The following PPP3CA variants were observed in gnomAD, a reference collection of about 807,000 sequenced individuals.
PPP3CA encodes CAM-PRP catalytic subunit.
A neutral mutation model predicts 66.5 loss-of-function variants in PPP3CA; 14 were observed. The observed-to-expected ratio is 0.21, with a 90% CI of 0.14 to 0.33. The LOEUF is 0.33. Ranked by LOEUF, PPP3CA falls within the 10% of genes least tolerant of loss-of-function variation. The pLI is 1.00. For synonymous variants in PPP3CA, 232 were observed against 226.2 expected (o/e 1.03, Z -0.23); for missense variants, 317 against 639.5 (o/e 0.50, Z 5.44).
intron 1 of PPP3CA, among the ~76,000 whole-genome samples, chr4:101,237,047 T>C: frequency 6.7e-6 from 1 of 150,240 alleles, no homozygotes; most frequent in Non-Finnish European, 1.5e-5. Context: ...ATAATTCATA[T>C]AAAGCACTTG....
At chr4:101,199,507 G>T (rs567604573) in intron 1 of PPP3CA, among the ~76,000 whole-genome samples, 30 of 152,276 alleles carry the variant, frequency 2.0e-4, no homozygotes, top group African/African-American at 7.0e-4. Flanking sequence ...ATAGTGCTAA[G>T]ACTTCTTAGA....
At chr4:101,106,377 G>GAA in intron 3 of PPP3CA, among the ~76,000 whole-genome samples, 1 of 2,212 alleles carries the variant, frequency 4.5e-4, no homozygotes, top group South Asian at 0.019. Flanking sequence ...AGAGAGAAAA[G>GAA]AAAGAAAGAA....
intron 2 of PPP3CA, among the ~76,000 whole-genome samples, chr4:101,177,071 A>G (rs1398509632): frequency 6.6e-6 from 1 of 152,172 alleles, no homozygotes; most frequent in Non-Finnish European, 1.5e-5. Flanking sequence ...GTAGGAGTGG[A>G]AGTTTCATTA....
intron 1 of PPP3CA, among the ~76,000 whole-genome samples, chr4:101,332,611 C>T (rs1365652803): frequency 1.3e-5 from 2 of 152,190 alleles, no homozygotes; most frequent in African/African-American, 4.8e-5. Flanking sequence ...AAAAGCATGT[C>T]TTTCAAAGGA....
At chr4:101,227,376 T>C (rs1019776015) in intron 1 of PPP3CA, among the ~76,000 whole-genome samples, 4 of 151,756 alleles carry the variant, frequency 2.6e-5, no homozygotes, top group Admixed American at 1.3e-4. Context: ...TTATCACATA[T>C]AGGAGTACAA....
chr4:101,182,677 A>G (rs1186226690), intron 2 of PPP3CA, among the ~76,000 whole-genome samples: 1 of 152,166 alleles, frequency 6.6e-6, no homozygotes, highest in Non-Finnish European at 1.5e-5. Context: ...CAGGAAAGGC[A>G]TTAACAAATC....
In PPP3CA at chr4:101,024,300, C is replaced by T. The variant is rs369960393; in HGVS notation, c.*1565G>A. On this transcript the variant is annotated 3_prime_UTR_variant, in exon 14 of 14. Transcript: ENST00000394854. ...TGGTTGTGCACATAAATCCCTTCAG[C>T]GGACTCAGTGGAAGGATGAGAATTC... The T allele has an allele frequency of 6.6e-5, 10 of 152,620 alleles. No individual in the cohort carries two copies. The East Asian group carries it at 1.3e-3, about 21-fold the overall frequency. 9.5% of individuals were successfully genotyped at this position (152,620 alleles called of 1,614,324 possible).
rs112605938 is a variant in PPP3CA, at chr4:101,133,909, T to A, written c.260-24831A>T. Among the ~76,000 whole-genome samples the A allele has an allele frequency of 6.3e-3, 952 of 152,116 alleles. 14 individuals are homozygous for A. The highest frequency in any genetic ancestry group is 0.021 in the African/African-American group (877 of 41,496). On this transcript the variant is annotated intron_variant, in intron 2 of 13. Coordinates refer to ENST00000394854, the MANE Select transcript of PPP3CA (RefSeq NM_000944.5). ...GTACCAAAACAGATATATAGACCAA[T>A]GGAACAGAACACGGGCATCAGAAAT...
intron 1 of PPP3CA, among the ~76,000 whole-genome samples, chr4:101,316,340 G>T (rs1165314654): frequency 6.6e-6 from 1 of 150,760 alleles, no homozygotes; most frequent in East Asian, 1.9e-4. Context: ...GACATATCCA[G>T]AGTTATTTCT....
chr4:101,304,851 T>C (rs544885930), intron 1 of PPP3CA, among the ~76,000 whole-genome samples: 154 of 152,316 alleles, frequency 1.0e-3, no homozygotes, highest in Non-Finnish European at 1.9e-3. Context: ...ATCTAATAAA[T>C]GTTCCTTATT....
At chr4:101,087,190 T>C (rs1203055339) in intron 6 of PPP3CA, among the ~76,000 whole-genome samples, 1 of 152,208 alleles carries the variant, frequency 6.6e-6, no homozygotes, top group East Asian at 1.9e-4. Context: ...ACTTGCTGTG[T>C]TTCTTTTTTG....
At chr4:101,227,535 C>A (rs1366611882) in intron 1 of PPP3CA, among the ~76,000 whole-genome samples, 1 of 151,338 alleles carries the variant, frequency 6.6e-6, no homozygotes, top group East Asian at 2.0e-4. Flanking sequence ...GTGAACAGAA[C>A]TTCTCTCATC....
At chr4:101,292,070 C>G (rs1308424848) in intron 1 of PPP3CA, among the ~76,000 whole-genome samples, 1 of 143,308 alleles carries the variant, frequency 7.0e-6, no homozygotes, top group Admixed American at 7.4e-5. Context: ...CGAGGCTGCA[C>G]TGAGCCCATG....
chr4:101,229,761 G>T (rs1351157983), intron 1 of PPP3CA, among the ~76,000 whole-genome samples: 1 of 151,594 alleles, frequency 6.6e-6, no homozygotes. Flanking sequence ...CCACAATGGA[G>T]AGGGTGAAAA....
intron 1 of PPP3CA, among the ~76,000 whole-genome samples, chr4:101,249,949 G>A (rs1726620483): frequency 6.6e-6 from 1 of 151,922 alleles, no homozygotes; most frequent in Non-Finnish European, 1.5e-5. Context: ...GCAAATTACT[G>A]TTTCTTTACT....
intron 1 of PPP3CA, among the ~76,000 whole-genome samples, chr4:101,219,321 G>A (rs1199878562): frequency 6.6e-6 from 1 of 151,918 alleles, no homozygotes; most frequent in Admixed American, 6.6e-5. Flanking sequence ...AGAGTATAAT[G>A]AACATTGCAG....
At position 101,025,160 on chromosome 4, in the gene PPP3CA, G is replaced by A. The variant is rs147340778; in HGVS notation, c.*705C>T. On this transcript the variant is annotated 3_prime_UTR_variant, in exon 14 of 14. Transcript: ENST00000394854. ...AAAACTTAAAAGATATTCCATTGCC[G>A]AATTAAGAAGAAGATAAGTGTTATA... is the stretch of plus-strand genomic sequence containing the variant. The A allele has an allele frequency of 9.4e-4, 143 of 152,256 alleles. No individual in the cohort carries two copies. Among genetic ancestry groups the A allele is most frequent in the Non-Finnish European group, 1.7e-3 (116 of 67,958 alleles). 9.4% of individuals were successfully genotyped at this position (152,256 alleles called of 1,614,324 possible). A position where few individuals can be genotyped will look rare whatever the true frequency, so the allele number is the denominator to read the frequency against.
At chr4:101,259,237 G>T (rs551270537) in intron 1 of PPP3CA, among the ~76,000 whole-genome samples, 1 of 152,206 alleles carries the variant, frequency 6.6e-6, no homozygotes, top group African/African-American at 2.4e-5. Flanking sequence ...TAACTAGTCA[G>T]AACATGGGTC....
At chr4:101,115,096 A>C (rs1721799313) in intron 2 of PPP3CA, among the ~76,000 whole-genome samples, 1 of 152,040 alleles carries the variant, frequency 6.6e-6, no homozygotes, top group Non-Finnish European at 1.5e-5. Flanking sequence ...TATAGATTAC[A>C]GCAAAGTAGT....
Sources: allele counts gnomAD v4.1 joint callset (sites outside exome capture counted in the v4.1 genomes callset), GRCh38; gene constraint gnomAD v4.1.1; transcripts MANE v1.5; gene names NCBI Gene and HGNC (gene_info 2026-07-23, HGNC 2026-07-21).